BACE2: variants seen among roughly 807,000 people sequenced by gnomAD.
BACE2 encodes beta-secretase 2, also known as 56 kDa aspartic-like protease.
In BACE2, 17 loss-of-function variants were observed where a neutral mutation model predicts 46.2. The ratio of observed to expected loss-of-function variants is 0.37; its 90% confidence interval spans 0.25 to 0.55. BACE2 has a LOEUF of 0.55. Ranked by LOEUF, BACE2 falls within the 20% of genes least tolerant of loss-of-function variation. BACE2 has a pLI of 0.82. For synonymous variants in BACE2, 277 were observed against 295.9 expected, an observed-to-expected ratio of 0.94 and a Z score of 0.66; for missense variants, 595 against 698.1, an observed-to-expected ratio of 0.85 and a Z score of 1.66.
At chr21:41,236,401 T>C (rs2123592581) in intron 2 of BACE2, among the ~76,000 whole-genome samples, 1 of 152,316 alleles carries the variant, frequency 6.6e-6, no homozygotes, top group East Asian at 1.9e-4. Context: ...GTAACCACCA[T>C]TCCCGCATTC....
chr21:41,185,037 C>A (rs1985320832), intron 1 of BACE2: 1 of 166,976 alleles, frequency 6.0e-6, no homozygotes, highest in Non-Finnish European at 1.5e-5. Flanking sequence ...GAATTTGCTC[C>A]AATAGCTTAA....
chr21:41,260,250 T>G (rs981199390), intron 8 of BACE2, among the ~76,000 whole-genome samples: 3 of 152,100 alleles, frequency 2.0e-5, no homozygotes, highest in Non-Finnish European at 4.4e-5. Context: ...GCTCAAGCAA[T>G]CCTCCCACCT....
At chr21:41,225,582 A>G (rs573525279) in intron 1 of BACE2, 27 of 152,394 alleles carry the variant, frequency 1.8e-4, no homozygotes, top group African/African-American at 6.3e-4. Flanking sequence ...GTGGTCACAA[A>G]AGCCAGAAAG....
chr21:41,213,512 C>T (rs936708155), intron 1 of BACE2, among the ~76,000 whole-genome samples: 10 of 152,192 alleles, frequency 6.6e-5, no homozygotes, highest in African/African-American at 1.2e-4. Flanking sequence ...CGGTGGCTCA[C>T]GCCTGTAATC....
rs1485743458 is a variant in BACE2, at chr21:41,279,299, A to G, written c.*3675A>G. Reference sequence around the variant, plus strand: ...CAAAATAAGCAGTACATATTTTTTTAGAAAATGCAGTTTAGGCCAGGCACG... The same window carrying G: ...CAAAATAAGCAGTACATATTTTTTTGGAAAATGCAGTTTAGGCCAGGCACG... On this transcript the variant is annotated 3_prime_UTR_variant, in exon 9 of 9. Transcript: ENST00000330333. The G allele has an allele frequency of 1.3e-5, 2 of 152,170 alleles. No individual in the cohort carries two copies. Among genetic ancestry groups the G allele is most frequent in the Non-Finnish European group, 2.9e-5 (2 of 68,026 alleles). 9.4% of individuals were successfully genotyped at this position (152,170 alleles called of 1,614,324 possible).
chr21:41,178,174 G>T (rs535827044), intron 1 of BACE2: 2 of 152,308 alleles, frequency 1.3e-5, no homozygotes, highest in Non-Finnish European at 2.9e-5. Flanking sequence ...GACACAGCAG[G>T]TCGGCTGGCC....
chr21:41,190,006 C>T (rs896460915), intron 1 of BACE2, among the ~76,000 whole-genome samples: 9 of 152,168 alleles, frequency 5.9e-5, no homozygotes, highest in African/African-American at 2.2e-4. Context: ...CTCCTTTTCA[C>T]ATTTTTCTTC....
intron 1 of BACE2, among the ~76,000 whole-genome samples, chr21:41,189,120 C>T (rs992330942): frequency 6.6e-6 from 1 of 151,972 alleles, no homozygotes; most frequent in Admixed American, 6.6e-5. Context: ...GTTTTCTTTC[C>T]CTCCAGAAAC....
intron 1 of BACE2, among the ~76,000 whole-genome samples, chr21:41,218,841 C>T (rs1339510791): frequency 1.4e-4 from 21 of 151,842 alleles, no homozygotes; most frequent in Admixed American, 1.3e-3. Context: ...TATCCTGGAG[C>T]ACCCCCTGTC....
chr21:41,226,462 G>A (rs1361413629), intron 2 of BACE2, 108 bp downstream of exon 2: 3 of 955,514 alleles, frequency 3.1e-6, no homozygotes, highest in Non-Finnish European at 3.3e-6. Context: ...ATTTTAAGGG[G>A]GATACCAATA....
intron 1 of BACE2, among the ~76,000 whole-genome samples, chr21:41,174,899 G>A (rs1002307250): frequency 7.9e-5 from 12 of 152,178 alleles, no homozygotes; most frequent in Non-Finnish European, 1.6e-4. Context: ...CCGGACAATA[G>A]GGCATACCTG....
At chr21:41,247,696 G>A (rs576870909) in intron 6 of BACE2, among the ~76,000 whole-genome samples, 2 of 152,380 alleles carry the variant, frequency 1.3e-5, no homozygotes, top group South Asian at 2.1e-4. Flanking sequence ...CGAGCTCATC[G>A]TGGCATGCGC....
intron 6 of BACE2, among the ~76,000 whole-genome samples, chr21:41,249,852 G>C (rs73366501): frequency 0.014 from 2,098 of 152,306 alleles, 39 homozygotes; most frequent in African/African-American, 0.047. Context: ...CACAGGTGTC[G>C]TTAACTTGCC....
At position 41,281,845 on chromosome 21, in the gene BACE2, A is replaced by G. The variant is rs991671375; in HGVS notation, c.*6221A>G. ...TCTCATTGTAGATGTCATCTCTCAC[A>G]TTTATATCAGTGAGGTTTGAAATTC... is the stretch of plus-strand genomic sequence containing the variant. On this transcript the variant is annotated 3_prime_UTR_variant, in exon 9 of 9. Coordinates refer to ENST00000330333, the MANE Select transcript of BACE2 (RefSeq NM_012105.5). 2 of 152,150 alleles carry G rather than the reference A, an allele frequency of 1.3e-5. No homozygotes were observed. The highest frequency in any genetic ancestry group is 2.9e-5 in the Non-Finnish European group (2 of 68,034). The allele number at this position is 152,150 out of a possible 1,614,324, so 9.4% of individuals were successfully genotyped here. A position where few individuals can be genotyped will look rare whatever the true frequency, so the allele number is the denominator to read the frequency against.
At chr21:41,171,399 C>G (rs964558419) in intron 1 of BACE2, among the ~76,000 whole-genome samples, 1 of 152,182 alleles carries the variant, frequency 6.6e-6, no homozygotes, top group Non-Finnish European at 1.5e-5. Flanking sequence ...TAATCAGGAA[C>G]TAGAGGTCCA....
chr21:41,204,142 G>C (rs571516191), intron 1 of BACE2, among the ~76,000 whole-genome samples: 1 of 152,144 alleles, frequency 6.6e-6, no homozygotes, highest in Non-Finnish European at 1.5e-5. Flanking sequence ...TCAGCCTCCC[G>C]AGTAGCTGGA....
chr21:41,258,535 A>T (rs1396117757), intron 8 of BACE2, among the ~76,000 whole-genome samples: 3 of 152,372 alleles, frequency 2.0e-5, no homozygotes, highest in Middle Eastern at 3.4e-3. Flanking sequence ...CTATTTTTTA[A>T]TACCTAAAAC....
At chr21:41,184,324 T>G (rs1285412655) in intron 1 of BACE2, 4 of 167,046 alleles carry the variant, frequency 2.4e-5, no homozygotes. Flanking sequence ...ACCACACACT[T>G]TTTCCTCTAC....
chr21:41,257,907 C>T (rs1210293809), intron 8 of BACE2, among the ~76,000 whole-genome samples: 1 of 152,148 alleles, frequency 6.6e-6, no homozygotes, highest in African/African-American at 2.4e-5. Flanking sequence ...GATAGATAAA[C>T]CCCATAAGCT....
Sources: gnomAD v4.1 joint callset for allele counts (sites outside exome capture counted in the v4.1 genomes callset) on GRCh38, gnomAD v4.1.1 for gene constraint, MANE v1.5 for transcripts, NCBI Gene and HGNC (gene_info 2026-07-23, HGNC 2026-07-21) for gene names.